The following ARHGAP22 variants were observed in gnomAD, a reference collection of about 807,000 sequenced individuals.
ARHGAP22 encodes rho GTPase-activating protein 22.
In ARHGAP22, 48 loss-of-function variants were observed where a neutral mutation model predicts 59.1. The observed-to-expected ratio is 0.81, with a 90% CI of 0.64 to 1.03. The LOEUF is 1.03. ARHGAP22 is among the 50% of genes least tolerant of loss of function. The pLI is 0.00. For missense variants in ARHGAP22, 1,015 were observed against 958.7 expected (o/e 1.06, Z -0.78); for synonymous variants, 445 against 416.4 (o/e 1.07, Z -0.84).
intron 2 of ARHGAP22, among the ~76,000 whole-genome samples, chr10:48,581,100 C>G (rs1351630616): frequency 6.6e-6 from 1 of 152,156 alleles, no homozygotes; most frequent in Non-Finnish European, 1.5e-5. Context: ...CCCCAAAGAC[C>G]AGACTCCTGT....
At chr10:48,488,840 T>A (rs1380766436) in intron 3 of ARHGAP22, among the ~76,000 whole-genome samples, 1 of 152,218 alleles carries the variant, frequency 6.6e-6, no homozygotes, top group African/African-American at 2.4e-5. Context: ...TCTGTGCAGC[T>A]CTTTCCTCCT....
chr10:48,604,631 C>A (rs777621224), intron 1 of ARHGAP22, 132 bp downstream of exon 1: 12 of 1,414,966 alleles, frequency 8.5e-6, no homozygotes, highest in Non-Finnish European at 8.8e-6. Flanking sequence ...GGAGGATGCT[C>A]ACTATTCAGC....
intron 9 of ARHGAP22, among the ~76,000 whole-genome samples, chr10:48,449,924 C>A (rs1589403628): frequency 6.6e-6 from 1 of 152,236 alleles, no homozygotes; most frequent in Non-Finnish European, 1.5e-5. Context: ...TGGGACCTGC[C>A]TCCAGGGGCC....
chr10:48,613,052 C>A (rs755635287), intron 1 of ARHGAP22, among the ~76,000 whole-genome samples: 12 of 152,204 alleles, frequency 7.9e-5, no homozygotes, highest in Non-Finnish European at 1.6e-4. Flanking sequence ...TTTCTCCCAA[C>A]CTTTTTTTTG....
At chr10:48,579,387 C>T (rs986647590) in intron 2 of ARHGAP22, among the ~76,000 whole-genome samples, 1 of 152,168 alleles carries the variant, frequency 6.6e-6, no homozygotes, top group African/African-American at 2.4e-5. Context: ...GTTTAAAAAA[C>T]CTGGAAGCCT....
In ARHGAP22 at chr10:48,505,211, G is replaced by A. The variant is rs990217514; in HGVS notation, c.323-25447C>T. 3.9e-5 allele frequency among the ~76,000 whole-genome samples: 6 copies of A among 152,076 alleles called. No individual in the cohort carries two copies. In the East Asian group the frequency reaches 7.7e-4, roughly 19 times the overall value. On this transcript the variant is annotated intron_variant, in intron 3 of 9. Coordinates refer to ENST00000249601, the MANE Select transcript of ARHGAP22 (RefSeq NM_021226.4). Reference sequence around the variant, plus strand: ...TGGGATTACAGGTGGCTGTCACCACGCCCAGCTAATTTTTGTATTTTTTAA... The same window carrying A: ...TGGGATTACAGGTGGCTGTCACCACACCCAGCTAATTTTTGTATTTTTTAA...
chr10:48,591,947 T>C (rs1048833276), intron 1 of ARHGAP22, among the ~76,000 whole-genome samples: 1 of 152,174 alleles, frequency 6.6e-6, no homozygotes, highest in Non-Finnish European at 1.5e-5. Flanking sequence ...GCTGCTCACC[T>C]CTGTCCTGCA....
chr10:48,433,221 A>G, the ARHGAP22 span, among the ~76,000 whole-genome samples: 79 of 152,268 alleles, frequency 5.2e-4, no homozygotes, highest in African/African-American at 1.9e-3. Flanking sequence ...TAGGTACTTG[A>G]TTTTTAGATT....
At chr10:48,641,470 T>C (rs577210241) in intron 1 of ARHGAP22, among the ~76,000 whole-genome samples, 53 of 152,188 alleles carry the variant, frequency 3.5e-4, no homozygotes, top group Non-Finnish European at 6.0e-4. Flanking sequence ...TAATCCAGCA[T>C]ATAAACAGAA....
chr10:48,537,642 T>G (rs1379106024), intron 3 of ARHGAP22, among the ~76,000 whole-genome samples: 1 of 152,138 alleles, frequency 6.6e-6, no homozygotes, highest in Admixed American at 6.5e-5. Flanking sequence ...CTCAGGAAGA[T>G]GAGGTGACTT....
intron 2 of ARHGAP22, among the ~76,000 whole-genome samples, chr10:48,566,451 A>T (rs1332801010): frequency 2.0e-5 from 3 of 152,222 alleles, no homozygotes; most frequent in African/African-American, 7.2e-5. Context: ...ATACAGATTT[A>T]AAAAGGCATT....
chr10:48,571,071 C>T (rs1009275283), intron 2 of ARHGAP22, among the ~76,000 whole-genome samples: 3 of 152,202 alleles, frequency 2.0e-5, no homozygotes, highest in Admixed American at 6.5e-5. Flanking sequence ...TATAAGGTCT[C>T]GGATGAACTT....
chr10:48,548,865 T>G (rs1162962917), intron 3 of ARHGAP22, among the ~76,000 whole-genome samples: 1 of 152,234 alleles, frequency 6.6e-6, no homozygotes, highest in Non-Finnish European at 1.5e-5. Flanking sequence ...GGCTCCTTCA[T>G]GCCTGCCCCG....
chr10:48,522,150 T>C (rs1437078095), intron 3 of ARHGAP22, among the ~76,000 whole-genome samples: 1 of 152,198 alleles, frequency 6.6e-6, no homozygotes, highest in Non-Finnish European at 1.5e-5. Flanking sequence ...AACAATTGCA[T>C]GGGTTCTCTC....
the ARHGAP22 span, among the ~76,000 whole-genome samples, chr10:48,433,817 G>T: frequency 6.6e-6 from 1 of 152,200 alleles, no homozygotes; most frequent in Admixed American, 6.5e-5. Flanking sequence ...GTGGTTTTCA[G>T]CCCATTTGGT....
At chr10:48,602,473 T>C (rs373100285) in intron 1 of ARHGAP22, among the ~76,000 whole-genome samples, 76 of 152,242 alleles carry the variant, frequency 5.0e-4, no homozygotes, top group African/African-American at 1.8e-3. Context: ...AAACCCACTC[T>C]AATATAAAAA....
intron 4 of ARHGAP22, among the ~76,000 whole-genome samples, chr10:48,472,241 C>A (rs572239652): frequency 2.0e-5 from 3 of 148,718 alleles, no homozygotes; most frequent in Admixed American, 2.0e-4. Flanking sequence ...AGAGTAACAG[C>A]GGCTGGGTGT....
intron 1 of ARHGAP22, among the ~76,000 whole-genome samples, chr10:48,625,699 C>A (rs1044371997): frequency 8.3e-6 from 1 of 120,068 alleles, no homozygotes; most frequent in Non-Finnish European, 1.7e-5. Context: ...CGTGTACACA[C>A]ACACACACAC....
chr10:48,443,259 T>TATC (rs1418715115), downstream of ARHGAP22, among the ~76,000 whole-genome samples: 3 of 152,118 alleles, frequency 2.0e-5, no homozygotes, highest in Admixed American at 2.0e-4. Flanking sequence ...CCCCTTCCAT[T>TATC]ATCAAAATGG....
Sources: gnomAD v4.1 joint callset for allele counts (sites outside exome capture counted in the v4.1 genomes callset) on GRCh38, gnomAD v4.1.1 for gene constraint, MANE v1.5 for transcripts, NCBI Gene and HGNC (gene_info 2026-07-23, HGNC 2026-07-21) for gene names.